SASH1: variants seen among roughly 807,000 people sequenced by gnomAD.
SASH1 encodes the protein SAM and SH3 domain-containing protein 1.
SASH1 carries 44 observed loss-of-function variants against 125.2 expected under a neutral mutation model. The observed-to-expected ratio is 0.35, with a 90% CI of 0.28 to 0.45. The LOEUF (loss-of-function observed/expected upper bound fraction) is 0.45, where lower values mean the gene tolerates loss of function less well. Ranked by LOEUF, SASH1 falls within the 20% of genes least tolerant of loss-of-function variation. The pLI is 1.00. For missense variants in SASH1, 1,426 were observed against 1,614.5 expected (o/e 0.88, Z 2.00); for synonymous variants, 639 against 649.1 (o/e 0.98, Z 0.24).
chr6:148,398,937 T>G (rs926757769), intron 2 of SASH1, among the ~76,000 whole-genome samples: 1 of 152,218 alleles, frequency 6.6e-6, no homozygotes, highest in African/African-American at 2.4e-5. Flanking sequence ...TTAGTCAGCA[T>G]TTTTTGCACA....
chr6:148,391,481 A>C (rs1159937579), intron 2 of SASH1, among the ~76,000 whole-genome samples: 1 of 152,026 alleles, frequency 6.6e-6, no homozygotes, highest in East Asian at 1.9e-4. Context: ...TATTTAAAAA[A>C]AACTTCTTCC....
At position 148,352,067 on chromosome 6, in the gene SASH1, GAAAC is replaced by G. The variant is rs570987667; in HGVS notation, c.156+8856_156+8859del. ...CTTAATCTGTGAGTTAAAACATTTAGAAACAAACAAACAAAAGTTAATTGAACAT... is the reference window on the plus strand; with the variant it reads ...CTTAATCTGTGAGTTAAAACATTTAGAAACAAACAAAAGTTAATTGAACAT... On this transcript the variant is annotated intron_variant, in intron 1 of 19. Coordinates refer to ENST00000367467, the MANE Select transcript of SASH1 (RefSeq NM_015278.5). Among the ~76,000 whole-genome samples, 523 of 152,206 alleles carry G rather than the reference GAAAC, an allele frequency of 3.4e-3. 3 individuals carry two copies. The highest frequency in any genetic ancestry group is 0.012 in the African/African-American group (494 of 41,540).
intron 8 of SASH1, among the ~76,000 whole-genome samples, chr6:148,491,796 A>C (rs1287307745): frequency 6.6e-6 from 1 of 152,230 alleles, no homozygotes; most frequent in East Asian, 1.9e-4. Flanking sequence ...CTTTTGTGTG[A>C]AAGTGACTGA....
At chr6:148,365,167 A>G (rs1583028908) in intron 1 of SASH1, among the ~76,000 whole-genome samples, 1 of 151,984 alleles carries the variant, frequency 6.6e-6, no homozygotes, top group Non-Finnish European at 1.5e-5. Flanking sequence ...TTTCCCTTCA[A>G]GTATTTCACT....
Position 148,507,256 on chromosome 6 carries a change from C to T in SASH1, c.730-7068C>T, listed in dbSNP as rs974751098. On this transcript the variant is annotated intron_variant, in intron 8 of 19. Coordinates refer to ENST00000367467, the MANE Select transcript of SASH1 (RefSeq NM_015278.5). ...CAGGGAAGAAGAGCAGGACAAGAGCCGAGGAAAAGGGGATGGAGCTCTGGT... is the reference window on the plus strand; with the variant it reads ...CAGGGAAGAAGAGCAGGACAAGAGCTGAGGAAAAGGGGATGGAGCTCTGGT... 5.3e-5 allele frequency among the ~76,000 whole-genome samples: 8 copies of T among 152,084 alleles called. No homozygotes were observed. The South Asian group carries it at 1.0e-3, about 20-fold the overall frequency.
At chr6:148,443,897 A>AGGGT (rs1776664587) in intron 4 of SASH1, among the ~76,000 whole-genome samples, 1 of 152,234 alleles carries the variant, frequency 6.6e-6, no homozygotes, top group Admixed American at 6.5e-5. Context: ...GGACCCTCAA[A>AGGGT]GGGTGACCTG....
chr6:148,382,672 G>T (rs573110458), intron 1 of SASH1, among the ~76,000 whole-genome samples: 1 of 152,254 alleles, frequency 6.6e-6, no homozygotes, highest in East Asian at 1.9e-4. Context: ...GAGGAGGAGG[G>T]TTTGTCAATC....
chr6:148,286,695 C>T (rs931201856), intron 1 of SASH1, among the ~76,000 whole-genome samples: 13 of 152,120 alleles, frequency 8.5e-5, no homozygotes, highest in African/African-American at 2.7e-4. Context: ...ACCAGTCATA[C>T]GGATTAGAGC....
intron 2 of SASH1, among the ~76,000 whole-genome samples, chr6:148,402,986 A>G (rs1465400561): frequency 6.6e-6 from 1 of 152,168 alleles, no homozygotes; most frequent in East Asian, 1.9e-4. Context: ...AATACTTATC[A>G]TAGATATTAT....
intron 2 of SASH1, among the ~76,000 whole-genome samples, chr6:148,404,519 G>A (rs897701315): frequency 1.3e-5 from 2 of 151,786 alleles, no homozygotes; most frequent in African/African-American, 4.9e-5. Context: ...TGGCACTTCA[G>A]TCCTTTCTAA....
the SASH1 span, among the ~76,000 whole-genome samples, chr6:148,236,321 C>T: frequency 1.3e-5 from 2 of 151,790 alleles, no homozygotes; most frequent in East Asian, 1.9e-4. Flanking sequence ...TCCAGTGATT[C>T]TCCCGCCTCA....
chr6:148,292,284 A>T (rs1562309505), intron 1 of SASH1, among the ~76,000 whole-genome samples: 1 of 152,030 alleles, frequency 6.6e-6, no homozygotes, highest in African/African-American at 2.4e-5. Context: ...AAGCATTTAA[A>T]CCACCATCTG....
intron 1 of SASH1, among the ~76,000 whole-genome samples, chr6:148,363,066 T>G (rs1339595843): frequency 6.6e-6 from 1 of 152,170 alleles, no homozygotes; most frequent in Non-Finnish European, 1.5e-5. Flanking sequence ...TGGGCAGATA[T>G]GCTGATGTGG....
the SASH1 span, among the ~76,000 whole-genome samples, chr6:148,206,142 A>G: frequency 1.5e-4 from 23 of 152,304 alleles, no homozygotes; most frequent in African/African-American, 5.5e-4. Context: ...ATTAAAGAGA[A>G]AATGTATTAA....
chr6:148,514,407 C>A lies in SASH1; in HGVS notation c.813C>A (p.Val271=), dbSNP rs1780320773. Residue 271 remains valine, a synonymous_variant, in exon 9 of 20, where the codon GTC becomes GTA. Coordinates refer to ENST00000367467, the MANE Select transcript of SASH1 (RefSeq NM_015278.5). The stretch of plus-strand genomic sequence containing the variant: ...AGCTGGTAAACTCCACTCGCAGAGT[C>A]AGAAAGAAACTAATTAGGGTGGAAG... The part of the protein sequence containing the change: ...LHKLVNSTRR[V]RKKLIRVEEM... 1.4e-6 allele frequency: 2 copies of A among 1,460,504 alleles called. No homozygotes were observed. The highest frequency in any genetic ancestry group is 1.8e-6 in the Non-Finnish European group (2 of 1,096,806). 90.5% of individuals were successfully genotyped at this position (1,460,504 alleles called of 1,614,324 possible).
At chr6:148,501,538 C>G (rs765284216) in intron 8 of SASH1, among the ~76,000 whole-genome samples, 8 of 152,198 alleles carry the variant, frequency 5.3e-5, no homozygotes, top group Non-Finnish European at 8.8e-5. Context: ...CTGGATAACA[C>G]TACCCCACTC....
At chr6:148,382,186 G>A (rs1347340505) in intron 1 of SASH1, among the ~76,000 whole-genome samples, 1 of 152,146 alleles carries the variant, frequency 6.6e-6, no homozygotes, top group Non-Finnish European at 1.5e-5. Context: ...TCCACATGGT[G>A]TCACTGATCT....
In SASH1 at chr6:148,514,405, G is replaced by A; in HGVS notation, c.811G>A (p.Val271Ile). 1 of 1,468,750 alleles carries A rather than the reference G, an allele frequency of 6.8e-7. No homozygotes were observed. 91.0% of individuals were successfully genotyped at this position (1,468,750 alleles called of 1,614,324 possible). A position where few individuals can be genotyped will look rare whatever the true frequency, so the allele number is the denominator to read the frequency against. Reference sequence around the variant, plus strand: ...CAAGCTGGTAAACTCCACTCGCAGAGTCAGAAAGAAACTAATTAGGGTGGA... The same window carrying A: ...CAAGCTGGTAAACTCCACTCGCAGAATCAGAAAGAAACTAATTAGGGTGGA... ...LHKLVNSTRR[V>I]RKKLIRVEEM... The change falls in exon 9 of 20, where the codon GTC (valine) becomes ATC (isoleucine). Residue 271 changes from valine (V) to isoleucine (I), a missense_variant. By Grantham distance (29) the Val-to-Ile change is conservative. Transcript: ENST00000367467.
chr6:148,394,349 A>G (rs778937922), intron 2 of SASH1, among the ~76,000 whole-genome samples: 3 of 152,204 alleles, frequency 2.0e-5, no homozygotes, highest in Non-Finnish European at 2.9e-5. Context: ...GAGGCTAGTC[A>G]TCATTTAGGC....
Sources: allele counts gnomAD v4.1 joint callset (sites outside exome capture counted in the v4.1 genomes callset), GRCh38; gene constraint gnomAD v4.1.1; transcripts MANE v1.5; gene names NCBI Gene and HGNC (gene_info 2026-07-23, HGNC 2026-07-21).